Variants in TMEM86A observed in about 807,000 individuals in gnomAD.
TMEM86A encodes transmembrane protein 86A.
Under a neutral mutation model 19.8 loss-of-function variants are expected in TMEM86A, and 13 were observed. That is an observed-to-expected ratio of 0.66 (90% CI 0.43 to 1.04). The LOEUF (loss-of-function observed/expected upper bound fraction) is 1.04. Ranked by LOEUF, TMEM86A falls within the 50% of genes least tolerant of loss-of-function variation. The pLI is 0.00. For synonymous variants in TMEM86A, 128 were observed against 129.9 expected (o/e 0.99, Z 0.10); for missense variants, 248 against 306.8 (o/e 0.81, Z 1.43).
chr11:18,704,515 C>T lies in TMEM86A; in HGVS notation c.*2506C>T. On this transcript the variant is annotated 3_prime_UTR_variant, in exon 3 of 3. Transcript: ENST00000280734. ...TTCTGCAGACTCTCGGTGATGGATG[C>T]TACAACTGACTTATCATCTTTGTCT... The T allele has an allele frequency of 6.5e-7, 1 of 1,550,094 alleles. No individual in the cohort carries two copies. The highest frequency in any genetic ancestry group is 8.7e-7 in the Non-Finnish European group (1 of 1,146,050).
chr11:18,701,479 C>T lies in TMEM86A; in HGVS notation c.287-94C>T. The T allele has an allele frequency of 7.3e-7, 1 of 1,364,314 alleles. No individual in the cohort carries two copies. Among genetic ancestry groups the T allele is most frequent in the Non-Finnish European group, 1.0e-6 (1 of 998,482 alleles). The allele number at this position is 1,364,314 out of a possible 1,614,324, so 84.5% of individuals were successfully genotyped here. A position where few individuals can be genotyped will look rare whatever the true frequency, so the allele number is the denominator to read the frequency against. ...CAAAGCTGCTGGGTTATCCCAAACA[C>T]TCCACTCCATCGCCACATCCATCCC... On this transcript the variant is annotated intron_variant, in intron 2 of 2. Transcript: ENST00000280734. The surrounding 1 kb of genome is among the most constrained non-coding windows in gnomAD (Gnocchi z 5.3).
intron 1 of TMEM86A, 133 bp from the exon 2 acceptor site, chr11:18,700,800 C>A: frequency 7.7e-7 from 1 of 1,302,012 alleles, no homozygotes; most frequent in Non-Finnish European, 1.1e-6. Context: ...TTCTCTGTGT[C>A]AGTCTTCTCA....
Position 18,701,507 on chromosome 11 carries a change from C to A in TMEM86A, c.287-66C>A, listed in dbSNP as rs139760572. ...CACTCCATCGCCACATCCATCCCTACCCCCACCCTGTTACTCATTCTTCAT... is the reference window on the plus strand; with the variant it reads ...CACTCCATCGCCACATCCATCCCTAACCCCACCCTGTTACTCATTCTTCAT... On this transcript the variant is annotated intron_variant, in intron 2 of 2. Transcript: ENST00000280734. This position sits in a 1 kb window ranked among gnomAD's most constrained non-coding sequence, Gnocchi z 5.3. 5.4e-6 allele frequency: 8 copies of A among 1,482,332 alleles called. No homozygotes were observed. Among genetic ancestry groups the A allele is most frequent in the Non-Finnish European group, 7.3e-6 (8 of 1,100,894 alleles). The allele number at this position is 1,482,332 out of a possible 1,614,324, so 91.8% of individuals were successfully genotyped here.
intron 1 of TMEM86A, chr11:18,700,729 C>T: frequency 1.5e-6 from 1 of 652,246 alleles, no homozygotes; most frequent in South Asian, 1.9e-5. Context: ...TATACTGAGC[C>T]TCAGGGCAGT....
intron 1 of TMEM86A, 61 bp downstream of exon 1, chr11:18,698,968 C>G (rs900703679): frequency 2.1e-6 from 1 of 472,338 alleles, no homozygotes; most frequent in Non-Finnish European, 3.8e-6. Flanking sequence ...GCCTGGCCAC[C>G]GGACTTCGGC....
intron 1 of TMEM86A, 68 bp from the exon 2 acceptor site, chr11:18,700,865 G>A (rs1848143138): frequency 6.3e-7 from 1 of 1,578,682 alleles, no homozygotes; most frequent in Non-Finnish European, 8.6e-7. Flanking sequence ...TGGGGTGGAT[G>A]CCTAGGCTGA....
chr11:18,700,787 G>T lies in TMEM86A; in HGVS notation c.22-146G>T, dbSNP rs543968571. On this transcript the variant is annotated intron_variant, in intron 1 of 2. Coordinates refer to ENST00000280734, the MANE Select transcript of TMEM86A (RefSeq NM_153347.3). Reference sequence around the variant, plus strand: ...TGGCTGGTAGAGGCAGGCCAGGCTGGGTTTCTCTGTGTCAGTCTTCTCAGG... The same window carrying T: ...TGGCTGGTAGAGGCAGGCCAGGCTGTGTTTCTCTGTGTCAGTCTTCTCAGG... The T allele has an allele frequency of 4.3e-6, 5 of 1,166,506 alleles. No individual in the cohort carries two copies. In the African/African-American group the frequency reaches 7.7e-5, roughly 18 times the overall value. 72.3% of individuals were successfully genotyped at this position (1,166,506 alleles called of 1,614,324 possible).
chr11:18,701,034 C>T lies in TMEM86A; in HGVS notation c.123C>T (p.Leu41=), dbSNP rs760774171. 3 of 1,614,192 alleles carry T rather than the reference C, an allele frequency of 1.9e-6. No homozygotes were observed. The highest frequency in any genetic ancestry group is 1.6e-4 in the Middle Eastern group (1 of 6,062). ...CTAGCCCATCGTGGGTCAGCACCCT[C>T]ATCAAGTGCCTGCCTATCTTCTGCC... The part of the protein sequence containing the change: ...PSSSPSWVST[L]IKCLPIFCLW... Residue 41 remains leucine, a synonymous_variant, in exon 2 of 3, where the codon CTC becomes CTT. Transcript: ENST00000280734. This position sits in a 1 kb window ranked among gnomAD's most constrained non-coding sequence, Gnocchi z 5.3.
chr11:18,701,921 CCTA>C lies in TMEM86A; in HGVS notation c.639_641del (p.Tyr214del). Reference sequence around the variant, plus strand: ...TACTCTCGGGCGCTTATCATGTCCACCTACTATGTGGCCCAGATGCTCGTCGCC... The same window carrying C: ...TACTCTCGGGCGCTTATCATGTCCACCTATGTGGCCCAGATGCTCGTCGCC... On this transcript the variant is annotated inframe_deletion, in exon 3 of 3. Coordinates refer to ENST00000280734, the MANE Select transcript of TMEM86A (RefSeq NM_153347.3). This position sits in a 1 kb window ranked among gnomAD's most constrained non-coding sequence, Gnocchi z 5.3. The C allele has an allele frequency of 6.2e-7, 1 of 1,614,044 alleles. No individual in the cohort carries two copies. Among genetic ancestry groups the C allele is most frequent in the African/African-American group, 1.3e-5 (1 of 75,070 alleles).
In TMEM86A at chr11:18,704,472, A is replaced by G; in HGVS notation, c.*2463A>G. 1 of 1,549,600 alleles carries G rather than the reference A, an allele frequency of 6.5e-7. No individual in the cohort carries two copies. The highest frequency in any genetic ancestry group is 1.2e-5 in the South Asian group (1 of 84,000). ...ATGCCTGGGCTTGGCTGGAGCTCAC[A>G]TGAGGTGCTTTGATTTCTTCTGCAG... On this transcript the variant is annotated 3_prime_UTR_variant, in exon 3 of 3. Transcript: ENST00000280734.
chr11:18,700,803 T>C (rs904288641), intron 1 of TMEM86A, 130 bp from the exon 2 acceptor site: 153 of 1,326,892 alleles, frequency 1.2e-4, no homozygotes, highest in Admixed American at 4.4e-4. Flanking sequence ...TCTGTGTCAG[T>C]CTTCTCAGGT....
In TMEM86A at chr11:18,701,968, C is replaced by T. The variant is rs768898557; in HGVS notation, c.682C>T (p.Arg228Trp). The T allele has an allele frequency of 2.0e-5, 32 of 1,611,034 alleles. No individual in the cohort carries two copies. Among genetic ancestry groups the T allele is most frequent in the Admixed American group, 8.3e-5 (5 of 60,026 alleles). ...CGTCGCCTTGTCAGCTGTCGAAAGC[C>T]GGGAGCCTGTGGAACACTACAGACT... ...MLVALSAVESREPVEHYRLTK... is the reference protein window; with the variant it reads ...MLVALSAVESWEPVEHYRLTK... Residue 228 changes from arginine (R) to tryptophan (W), a missense_variant, in exon 3 of 3, where the codon CGG becomes TGG. Physicochemically the swap from Arg to Trp is moderately radical, Grantham distance 101. Coordinates refer to ENST00000280734, the MANE Select transcript of TMEM86A (RefSeq NM_153347.3). This position sits in a 1 kb window ranked among gnomAD's most constrained non-coding sequence, Gnocchi z 5.3.
Position 18,701,115 on chromosome 11 carries a change from C to T in TMEM86A, c.204C>T (p.Ala68=). ...GATTCCTGCTGGCCCACCCCAGCGC[C>T]ACCCGCATCTTTGTGGGGCTTGTCT... ...GLGFLLAHPS[A]TRIFVGLVFS... The change falls in exon 2 of 3, where the codon GCC becomes GCT. Residue 68 remains alanine, a synonymous_variant. Transcript: ENST00000280734. This position sits in a 1 kb window ranked among gnomAD's most constrained non-coding sequence, Gnocchi z 5.3. 6.2e-7 allele frequency: 1 copy of T among 1,614,124 alleles called. No homozygotes were observed. The highest frequency in any genetic ancestry group is 1.1e-5 in the South Asian group (1 of 91,088).
In TMEM86A at chr11:18,702,781, G is replaced by C. The variant is rs555193436; in HGVS notation, c.*772G>C. 112 of 153,084 alleles carry C rather than the reference G, an allele frequency of 7.3e-4. No individual in the cohort carries two copies. Among genetic ancestry groups the C allele is most frequent in the Admixed American group, 5.6e-3 (86 of 15,300 alleles). The allele number at this position is 153,084 out of a possible 1,614,324, so 9.5% of individuals were successfully genotyped here. ...GCCAAAGGAAGGGGCCAGCTTCTCT[G>C]TGTGTGTGTGTAGCCTGTCTCCTAG... is the stretch of plus-strand genomic sequence containing the variant. On this transcript the variant is annotated 3_prime_UTR_variant, in exon 3 of 3. Coordinates refer to ENST00000280734, the MANE Select transcript of TMEM86A (RefSeq NM_153347.3).
rs1848148684 is a variant in TMEM86A, at chr11:18,701,440, C to T, written c.287-133C>T. ...TCTTTAACTTTAGATCTTCCTACCC[C>T]TGTTATCCCAAAGCAAAGCTGCTGG... On this transcript the variant is annotated intron_variant, in intron 2 of 2. Coordinates refer to ENST00000280734, the MANE Select transcript of TMEM86A (RefSeq NM_153347.3). This position sits in a 1 kb window ranked among gnomAD's most constrained non-coding sequence, Gnocchi z 5.3. 4 of 1,102,350 alleles carry T rather than the reference C, an allele frequency of 3.6e-6. No homozygotes were observed. The highest frequency in any genetic ancestry group is 3.3e-5 in the African/African-American group (2 of 59,836). The allele number at this position is 1,102,350 out of a possible 1,614,324, so 68.3% of individuals were successfully genotyped here.
At position 18,703,977 on chromosome 11, in the gene TMEM86A, G is replaced by C. The variant is rs1848175282; in HGVS notation, c.*1968G>C. On this transcript the variant is annotated 3_prime_UTR_variant, in exon 3 of 3. Coordinates refer to ENST00000280734, the MANE Select transcript of TMEM86A (RefSeq NM_153347.3). ...TGAGCTGGATGATCAATCCCTTCTAGCTCTGAACCCTGGACACTAAAGAGG... is the reference window on the plus strand; with the variant it reads ...TGAGCTGGATGATCAATCCCTTCTACCTCTGAACCCTGGACACTAAAGAGG... The C allele has an allele frequency of 6.4e-6, 1 of 155,380 alleles. No homozygotes were observed. Among genetic ancestry groups the C allele is most frequent in the Non-Finnish European group, 1.4e-5 (1 of 69,948 alleles). 9.6% of individuals were successfully genotyped at this position (155,380 alleles called of 1,614,324 possible).
chr11:18,702,783 G>C lies in TMEM86A; in HGVS notation c.*774G>C, dbSNP rs1266303855. ...CAAAGGAAGGGGCCAGCTTCTCTGT[G>C]TGTGTGTGTAGCCTGTCTCCTAGTC... On this transcript the variant is annotated 3_prime_UTR_variant, in exon 3 of 3. Transcript: ENST00000280734. 1 of 153,314 alleles carries C rather than the reference G, an allele frequency of 6.5e-6. No individual in the cohort carries two copies. Among genetic ancestry groups the C allele is most frequent in the African/African-American group, 2.4e-5 (1 of 41,464 alleles). The allele number at this position is 153,314 out of a possible 1,614,324, so 9.5% of individuals were successfully genotyped here.
Position 18,701,480 on chromosome 11 carries a change from T to C in TMEM86A, c.287-93T>C. The stretch of plus-strand genomic sequence containing the variant: ...AAAGCTGCTGGGTTATCCCAAACAC[T>C]CCACTCCATCGCCACATCCATCCCT... On this transcript the variant is annotated intron_variant, in intron 2 of 2. Transcript: ENST00000280734. The surrounding 1 kb of genome is among the most constrained non-coding windows in gnomAD (Gnocchi z 5.3). 1 of 1,366,826 alleles carries C rather than the reference T, an allele frequency of 7.3e-7. No individual in the cohort carries two copies. The highest frequency in any genetic ancestry group is 1.0e-6 in the Non-Finnish European group (1 of 1,000,680). 84.7% of individuals were successfully genotyped at this position (1,366,826 alleles called of 1,614,324 possible). A position where few individuals can be genotyped will look rare whatever the true frequency, so the allele number is the denominator to read the frequency against.
Position 18,701,205 on chromosome 11 carries a change from G to A in TMEM86A, c.286+8G>A, listed in dbSNP as rs753457391. ...AAGGATACTTCGTGCATGGTCAGTG[G>A]CCATAGTAGTTGCCTGGGAGGAGTC... On this transcript the variant is annotated splice_region_variant and intron_variant, in intron 2 of 2. Coordinates refer to ENST00000280734, the MANE Select transcript of TMEM86A (RefSeq NM_153347.3). The surrounding 1 kb of genome is among the most constrained non-coding windows in gnomAD (Gnocchi z 5.3). The A allele has an allele frequency of 9.3e-6, 15 of 1,611,402 alleles. No individual in the cohort carries two copies. In the East Asian group the frequency reaches 2.9e-4, roughly 31 times the overall value.
Sources: allele counts gnomAD v4.1 joint callset, GRCh38; gene constraint gnomAD v4.1.1; non-coding constraint Gnocchi (gnomAD v3.1); transcripts MANE v1.5; gene names NCBI Gene and HGNC (gene_info 2026-07-23, HGNC 2026-07-21).